The following CLEC6A variants were observed in gnomAD, a reference collection of about 807,000 sequenced individuals.
CLEC6A encodes C-type lectin domain containing 6A, also known as C-type lectin domain family 6 member A.
CLEC6A carries 22 observed loss-of-function variants against 25.7 expected under a neutral mutation model. The ratio of observed to expected loss-of-function variants is 0.85; its 90% CI spans 0.61 to 1.22. The LOEUF (loss-of-function observed/expected upper bound fraction) is 1.22. CLEC6A is among the 50% of genes most tolerant of loss of function. The pLI, the probability that CLEC6A is intolerant of heterozygous loss-of-function variation, is 0.00. For missense variants in CLEC6A, 240 were observed against 236.8 expected (o/e 1.01, Z -0.09); for synonymous variants, 92 against 76.7 (o/e 1.20, Z -1.04).
chr12:8,472,212 A>G (rs1461100518), intron 4 of CLEC6A, among the ~76,000 whole-genome samples: 2 of 152,060 alleles, frequency 1.3e-5, no homozygotes, highest in East Asian at 3.8e-4. Context: ...ACTTTTCCAG[A>G]TAAAGTAATT....
chr12:8,465,387 T>C (rs939197646), intron 3 of CLEC6A, 97 bp from the exon 4 acceptor site: 3 of 1,196,574 alleles, frequency 2.5e-6, no homozygotes, highest in Non-Finnish European at 2.4e-6. Context: ...AGTAAAAACG[T>C]GAATTAAGAA....
chr12:8,457,563 T>A (rs1244706573), intron 1 of CLEC6A, among the ~76,000 whole-genome samples: 8 of 152,192 alleles, frequency 5.3e-5, no homozygotes, highest in African/African-American at 1.4e-4. Context: ...TTGGATATAC[T>A]GAAGAAACCA....
intron 3 of CLEC6A, chr12:8,460,761 G>T: frequency 2.8e-6 from 4 of 1,418,738 alleles, no homozygotes; most frequent in South Asian, 2.3e-5. Flanking sequence ...CTGATAAAGC[G>T]GGCCGACTGG....
Position 8,477,578 on chromosome 12 carries a change from C to T in CLEC6A, c.*114C>T. ...ATTTCTTCCTGAATTTACACATAAT[C>T]CTTATGTTATAGAGGTTCACAGAAA... On this transcript the variant is annotated 3_prime_UTR_variant, in exon 6 of 6. Transcript: ENST00000382073. 1 of 773,698 alleles carries T rather than the reference C, an allele frequency of 1.3e-6. No homozygotes were observed. The highest frequency in any genetic ancestry group is 2.0e-6 in the Non-Finnish European group (1 of 503,014). 47.9% of individuals were successfully genotyped at this position (773,698 alleles called of 1,614,324 possible).
At chr12:8,475,478 A>G (rs1427523240) in intron 4 of CLEC6A, among the ~76,000 whole-genome samples, 1 of 152,072 alleles carries the variant, frequency 6.6e-6, no homozygotes, top group East Asian at 1.9e-4. Context: ...TAGGAGACCT[A>G]GAAAAGCTGG....
At chr12:8,470,751 G>A (rs989366484) in intron 4 of CLEC6A, among the ~76,000 whole-genome samples, 7 of 152,106 alleles carry the variant, frequency 4.6e-5, no homozygotes, top group Non-Finnish European at 1.0e-4. Flanking sequence ...TCAGGGGAAA[G>A]TGTGAGAAAT....
chr12:8,472,504 T>C (rs1164849646), intron 4 of CLEC6A, among the ~76,000 whole-genome samples: 1 of 152,172 alleles, frequency 6.6e-6, no homozygotes, highest in African/African-American at 2.4e-5. Flanking sequence ...TTTTTCTCTA[T>C]TGCATTGTGC....
chr12:8,460,749 G>T, intron 3 of CLEC6A: 1 of 1,435,978 alleles, frequency 7.0e-7, no homozygotes, highest in Non-Finnish European at 9.8e-7. Flanking sequence ...ACCCCACCTG[G>T]CCTGATAAAG....
Position 8,460,728 on chromosome 12 carries a change from C to A in CLEC6A, c.223+1030C>A, listed in dbSNP as rs768742042. Reference sequence around the variant, plus strand: ...AGTACCGCCAGCTCTCTGCTCTCCACAGGGCTCCCCACCCCACCTGGCCTG... The same window carrying A: ...AGTACCGCCAGCTCTCTGCTCTCCAAAGGGCTCCCCACCCCACCTGGCCTG... On this transcript the variant is annotated intron_variant, in intron 3 of 5. Coordinates refer to ENST00000382073, the MANE Select transcript of CLEC6A (RefSeq NM_001007033.2). The A allele has an allele frequency of 2.7e-6, 4 of 1,460,510 alleles. No individual in the cohort carries two copies. In the African/African-American group the frequency reaches 5.6e-5, roughly 20 times the overall value. The allele number at this position is 1,460,510 out of a possible 1,614,324, so 90.5% of individuals were successfully genotyped here. A position where few individuals can be genotyped will look rare whatever the true frequency, so the allele number is the denominator to read the frequency against.
chr12:8,459,504 G>A lies in CLEC6A; in HGVS notation c.122-93G>A, dbSNP rs1939724127. 1.9e-5 allele frequency: 14 copies of A among 728,376 alleles called. No individual in the cohort carries two copies. The South Asian group carries it at 2.1e-4, about 11-fold the overall frequency. 45.1% of individuals were successfully genotyped at this position (728,376 alleles called of 1,614,324 possible). ...GGCTTGCCTAGAGAAACAGCAGTGG[G>A]GGTCAGAGGTAAGCCAGCACTGTAC... On this transcript the variant is annotated intron_variant, in intron 2 of 5. Transcript: ENST00000382073.
At chr12:8,476,006 A>C in intron 4 of CLEC6A, 119 bp from the exon 5 acceptor site, 1 of 585,358 alleles carries the variant, frequency 1.7e-6, no homozygotes, top group Non-Finnish European at 3.0e-6. Flanking sequence ...CCATCATGTG[A>C]CTGCTCCTTG....
intron 5 of CLEC6A, 133 bp from the exon 6 acceptor site, chr12:8,477,187 A>T: frequency 1.5e-6 from 1 of 678,040 alleles, no homozygotes; most frequent in Non-Finnish European, 2.4e-6. Context: ...GGAGAGTAGT[A>T]TGAGAAGAAG....
chr12:8,466,461 A>C (rs1371848994), intron 4 of CLEC6A, among the ~76,000 whole-genome samples: 1 of 152,184 alleles, frequency 6.6e-6, no homozygotes, highest in Non-Finnish European at 1.5e-5. Context: ...AGGAACCTTC[A>C]TACTGTTTTC....
At position 8,456,041 on chromosome 12, in the gene CLEC6A, C is replaced by T; in HGVS notation, c.-71C>T. 6.7e-7 allele frequency: 1 copy of T among 1,486,424 alleles called. No individual in the cohort carries two copies. The highest frequency in any genetic ancestry group is 9.4e-7 in the Non-Finnish European group (1 of 1,065,560). 92.1% of individuals were successfully genotyped at this position (1,486,424 alleles called of 1,614,324 possible). ...CTAGCTTCTTTAAATGAAGCTGAGT[C>T]TCTGGGCAACATCTTTAGGGAGAGA... On this transcript the variant is annotated 5_prime_UTR_variant, in exon 1 of 6. Transcript: ENST00000382073.
intron 4 of CLEC6A, among the ~76,000 whole-genome samples, chr12:8,466,236 C>CT (rs1406329634): frequency 6.6e-6 from 1 of 152,062 alleles, no homozygotes; most frequent in African/African-American, 2.4e-5. Context: ...TCTTTTTCTC[C>CT]TTTTTTGTGG....
chr12:8,466,661 T>TG (rs1939834157), intron 4 of CLEC6A, among the ~76,000 whole-genome samples: 1 of 58,556 alleles, frequency 1.7e-5, no homozygotes, highest in East Asian at 4.5e-3. Flanking sequence ...AGTGTTGTTT[T>TG]GTTTTTTTTT....
At position 8,460,567 on chromosome 12, in the gene CLEC6A, G is replaced by A; in HGVS notation, c.223+869G>A. On this transcript the variant is annotated intron_variant, in intron 3 of 5. Coordinates refer to ENST00000382073, the MANE Select transcript of CLEC6A (RefSeq NM_001007033.2). ...ACCAAACCATATCAGTCAGCTTCAT[G>A]GAAAAGGGGAAGAGCCTTTCTGTCT... 2 of 910,028 alleles carry A rather than the reference G, an allele frequency of 2.2e-6. 1 individual carries two copies. Among genetic ancestry groups the A allele is most frequent in the Non-Finnish European group, 3.5e-6 (2 of 572,270 alleles). 56.4% of individuals were successfully genotyped at this position (910,028 alleles called of 1,614,324 possible).
intron 4 of CLEC6A, among the ~76,000 whole-genome samples, chr12:8,475,188 C>T (rs530941841): frequency 6.6e-6 from 1 of 152,128 alleles, no homozygotes; most frequent in East Asian, 1.9e-4. Flanking sequence ...TAATTTGCTA[C>T]TTTCTAGGGA....
intron 3 of CLEC6A, among the ~76,000 whole-genome samples, chr12:8,463,956 G>A (rs1020642749): frequency 3.3e-5 from 5 of 152,172 alleles, no homozygotes; most frequent in Non-Finnish European, 5.9e-5. Flanking sequence ...AATGTTTGGT[G>A]TACATAGCTC....
Sources: gnomAD v4.1 joint callset for allele counts (sites outside exome capture counted in the v4.1 genomes callset) on GRCh38, gnomAD v4.1.1 for gene constraint, MANE v1.5 for transcripts, NCBI Gene and HGNC (gene_info 2026-07-23, HGNC 2026-07-21) for gene names.